MCM2: variants seen among roughly 807,000 people sequenced by gnomAD.
MCM2 encodes the protein DNA replication licensing factor MCM2.
A neutral mutation model predicts 86.4 loss-of-function variants in MCM2; 49 were observed. The ratio of observed to expected loss-of-function variants is 0.57; its 90% CI spans 0.45 to 0.72. MCM2 has a LOEUF of 0.72. Among genes scored for constraint, MCM2 ranks in the 30% least tolerant of loss-of-function variants. The pLI, the probability that MCM2 is intolerant of heterozygous loss-of-function variation, is 0.00. For missense variants in MCM2, 1,038 were observed against 1,259.9 expected (o/e 0.82, Z 2.67); for synonymous variants, 475 against 484.6 (o/e 0.98, Z 0.26).
chr3:127,609,481 T>G (rs2074376535), intron 8 of MCM2, among the ~76,000 whole-genome samples: 2 of 152,050 alleles, frequency 1.3e-5, no homozygotes, highest in African/African-American at 2.4e-5. Flanking sequence ...TGTTTTTTGT[T>G]TTTTTTTGTG....
intron 8 of MCM2, among the ~76,000 whole-genome samples, chr3:127,612,566 G>T (rs780016594): frequency 2.0e-5 from 3 of 152,238 alleles, no homozygotes; most frequent in Admixed American, 6.5e-5. Context: ...GGATGGAAGA[G>T]CCTGTGACAG....
In MCM2 at chr3:127,617,498, A is replaced by G; in HGVS notation, c.1900+93A>G. ...GAGCCCACGGGGTCCCCAGGAGCCG[A>G]TCTGAGGAAGTCATTGTGCAGCAGA... On this transcript the variant is annotated intron_variant, in intron 11 of 15. Transcript: ENST00000265056. This position sits in a 1 kb window ranked among gnomAD's most constrained non-coding sequence, Gnocchi z 4.1. The G allele has an allele frequency of 6.9e-7, 1 of 1,450,792 alleles. No homozygotes were observed. The highest frequency in any genetic ancestry group is 1.3e-5 in the South Asian group (1 of 74,156). 89.9% of individuals were successfully genotyped at this position (1,450,792 alleles called of 1,614,324 possible).
At chr3:127,599,894 T>C (rs1489687740) in intron 2 of MCM2, among the ~76,000 whole-genome samples, 1 of 152,100 alleles carries the variant, frequency 6.6e-6, no homozygotes. Context: ...GAAAGGTGCA[T>C]GGGGGAGGAG....
chr3:127,617,609 T>C lies in MCM2; in HGVS notation c.1900+204T>C, dbSNP rs1460959962. On this transcript the variant is annotated intron_variant, in intron 11 of 15. Transcript: ENST00000265056. This position sits in a 1 kb window ranked among gnomAD's most constrained non-coding sequence, Gnocchi z 4.1. ...ACCTGGGTTTCCTGTTGAGTCATGT[T>C]CCTGGAATCACCTTGGATGTTCTCA... 1.4e-5 allele frequency: 9 copies of C among 658,542 alleles called. No homozygotes were observed. In the East Asian group the frequency reaches 2.5e-4, roughly 18 times the overall value. 40.8% of individuals were successfully genotyped at this position (658,542 alleles called of 1,614,324 possible). A position where few individuals can be genotyped will look rare whatever the true frequency, so the allele number is the denominator to read the frequency against.
rs17497118 is a variant in MCM2 at position 127,615,755 on chromosome 3, G to A, written c.1429-107G>A. On this transcript the variant is annotated intron_variant, in intron 8 of 15. Transcript: ENST00000265056. ...TGCAGTTGCAGCAGCTGTGGAAGTG[G>A]GTGTCTTTGAGCTGGGGATGTCGTG... 0.16 allele frequency: 124,594 copies of A among 764,824 alleles called. 12,257 individuals carry two copies. Among genetic ancestry groups the A allele is most frequent in the Non-Finnish European group, 0.2 (85,634 of 431,034 alleles). 47.4% of individuals were successfully genotyped at this position (764,824 alleles called of 1,614,324 possible). A position where few individuals can be genotyped will look rare whatever the true frequency, so the allele number is the denominator to read the frequency against.
chr3:127,604,856 T>C (rs1353181192), intron 3 of MCM2, 40 bp from the exon 4 acceptor site: 1 of 1,584,644 alleles, frequency 6.3e-7, no homozygotes, highest in Non-Finnish European at 8.6e-7. Context: ...TAGAAGGTGC[T>C]GGGGATGACC....
chr3:127,621,350 T>C, intron 15 of MCM2, 122 bp downstream of exon 15: 1 of 1,189,398 alleles, frequency 8.4e-7, no homozygotes. Context: ...AGCCATTTAT[T>C]GAATGCTTAC....
chr3:127,615,797 G>T, intron 8 of MCM2, 65 bp from the exon 9 acceptor site: 1 of 1,185,836 alleles, frequency 8.4e-7, no homozygotes. Context: ...TGATGCCAGA[G>T]CATGTGGGTG....
rs534300930 is a variant in MCM2 at position 127,612,904 on chromosome 3, G to A, written c.1429-2958G>A. Among the ~76,000 whole-genome samples, 6 of 152,310 alleles carry A rather than the reference G, an allele frequency of 3.9e-5. No homozygotes were observed. In the East Asian group the frequency reaches 5.8e-4, roughly 15 times the overall value. ...GAGCCTTGGTTTCCTCTGTAGGATCGAGAGAAACAAGGTTATTATGAGGAT... is the reference window on the plus strand; with the variant it reads ...GAGCCTTGGTTTCCTCTGTAGGATCAAGAGAAACAAGGTTATTATGAGGAT... On this transcript the variant is annotated intron_variant, in intron 8 of 15. Transcript: ENST00000265056.
chr3:127,604,177 C>A (rs933424071), intron 2 of MCM2: 1 of 169,098 alleles, frequency 5.9e-6, no homozygotes, highest in Admixed American at 5.6e-5. Flanking sequence ...CCACAAAAGT[C>A]TTTTCAGTTT....
intron 8 of MCM2, among the ~76,000 whole-genome samples, chr3:127,610,472 C>T (rs1448819790): frequency 1.3e-5 from 2 of 152,186 alleles, no homozygotes; most frequent in African/African-American, 4.8e-5. Flanking sequence ...GCCTGTGGAG[C>T]CCCCTTTCTT....
intron 8 of MCM2, among the ~76,000 whole-genome samples, chr3:127,612,455 A>G (rs771841562): frequency 2.0e-5 from 3 of 152,246 alleles, no homozygotes; most frequent in Non-Finnish European, 4.4e-5. Flanking sequence ...TATAAAGATC[A>G]AATAAATTAG....
intron 4 of MCM2, among the ~76,000 whole-genome samples, chr3:127,605,376 G>A (rs1255520406): frequency 6.6e-6 from 1 of 151,598 alleles, no homozygotes; most frequent in Non-Finnish European, 1.5e-5. Flanking sequence ...CTTGAAAATG[G>A]ACAGATTTTA....
chr3:127,603,579 G>A (rs1352665697), intron 2 of MCM2, among the ~76,000 whole-genome samples: 1 of 152,156 alleles, frequency 6.6e-6, no homozygotes, highest in Admixed American at 6.5e-5. Flanking sequence ...TTGAACTCCT[G>A]CGCTCAAGCA....
At chr3:127,604,821 G>T in intron 3 of MCM2, 38 bp downstream of exon 3, 1 of 1,572,644 alleles carries the variant, frequency 6.4e-7, no homozygotes, top group African/African-American at 1.3e-5. Context: ...GGACTGGGAA[G>T]CTGGGAAGGA....
At chr3:127,600,158 G>A (rs1251103242) in intron 2 of MCM2, among the ~76,000 whole-genome samples, 1 of 152,212 alleles carries the variant, frequency 6.6e-6, no homozygotes, top group Non-Finnish European at 1.5e-5. Context: ...GTGCGTGCTT[G>A]TAGTCCCAGC....
At chr3:127,616,062 G>C in intron 9 of MCM2, 107 bp downstream of exon 9, 11 of 907,940 alleles carry the variant, frequency 1.2e-5, no homozygotes, top group Non-Finnish European at 1.8e-5. Context: ...TGGGGAGAAA[G>C]AATGCATTAA....
chr3:127,599,331 CCTT>C lies in MCM2; in HGVS notation c.22_24del (p.Phe8del), dbSNP rs2074287174. 6.2e-7 allele frequency: 1 copy of C among 1,614,046 alleles called. No individual in the cohort carries two copies. ...CTTCTCTTGCAGGAATCATCGGAAT[CCTT>C]CACCATGGCATCCAGCCCGGCCCAG... On this transcript the variant is annotated inframe_deletion, in exon 2 of 16. Coordinates refer to ENST00000265056, the MANE Select transcript of MCM2 (RefSeq NM_004526.4).
At chr3:127,604,325 C>G (rs2074328814) in intron 2 of MCM2, 1 of 380,860 alleles carries the variant, frequency 2.6e-6, no homozygotes, top group Non-Finnish European at 4.7e-6. Context: ...TTGTGCCTGG[C>G]TTCTTTCACT....
Sources: allele counts gnomAD v4.1 joint callset (sites outside exome capture counted in the v4.1 genomes callset), GRCh38; gene constraint gnomAD v4.1.1; non-coding constraint Gnocchi (gnomAD v3.1); transcripts MANE v1.5; gene names NCBI Gene and HGNC (gene_info 2026-07-23, HGNC 2026-07-21).